Variants in SLC2A12 observed in about 807,000 individuals in gnomAD.
The protein encoded by SLC2A12 is solute carrier family 2, facilitated glucose transporter member 12.
Under a neutral mutation model 41.8 loss-of-function variants are expected in SLC2A12, and 23 were observed. That is an observed-to-expected ratio of 0.55 (90% CI 0.40 to 0.78). SLC2A12 has a LOEUF of 0.78. Ranked by LOEUF, SLC2A12 falls within the 30% of genes least tolerant of loss-of-function variation. SLC2A12 has a pLI of 0.00. For missense variants in SLC2A12, 654 were observed against 745.6 expected, an observed-to-expected ratio of 0.88 and a Z score of 1.43; for synonymous variants, 295 against 285.9, an observed-to-expected ratio of 1.03 and a Z score of -0.32.
intron 4 of SLC2A12, among the ~76,000 whole-genome samples, chr6:134,000,919 TCTTAGC>T (rs2114424701): frequency 6.6e-6 from 1 of 152,330 alleles, no homozygotes; most frequent in South Asian, 2.1e-4. Context: ...TTTCTGCTAA[TCTTAGC>T]CTTAGCAAGT....
At chr6:134,038,337 T>C (rs1187430655) in intron 1 of SLC2A12, among the ~76,000 whole-genome samples, 1 of 151,162 alleles carries the variant, frequency 6.6e-6, no homozygotes, top group Non-Finnish European at 1.5e-5. Flanking sequence ...ATTACTTTCA[T>C]TCTTTTTCTT....
At chr6:134,013,572 A>G (rs535749023) in intron 2 of SLC2A12, among the ~76,000 whole-genome samples, 1 of 152,256 alleles carries the variant, frequency 6.6e-6, no homozygotes, top group East Asian at 1.9e-4. Flanking sequence ...GAATAACATG[A>G]TACATTTCTA....
intron 4 of SLC2A12, among the ~76,000 whole-genome samples, chr6:133,992,636 A>G (rs900775931): frequency 2.0e-5 from 3 of 152,160 alleles, no homozygotes; most frequent in Non-Finnish European, 4.4e-5. Context: ...TGCCTGAGTG[A>G]TGGAGGGAGA....
chr6:134,028,380 C>T lies in SLC2A12; in HGVS notation c.1444+1G>A, dbSNP rs1157256387. 1.9e-6 allele frequency: 3 copies of T among 1,600,260 alleles called. No individual in the cohort carries two copies. The highest frequency in any genetic ancestry group is 1.1e-5 in the South Asian group (1 of 88,846). On this transcript the variant is annotated splice_donor_variant, in intron 2 of 4. Transcript: ENST00000275230. LOFTEE classifies it high-confidence loss of function. ...AATACATTAAAGAATAAAGTACTTA[C>T]TTGGTCCTAGACCAATTGAAAAAGC...
chr6:134,019,794 G>A (rs1777017219), intron 2 of SLC2A12, among the ~76,000 whole-genome samples: 1 of 152,154 alleles, frequency 6.6e-6, no homozygotes, highest in African/African-American at 2.4e-5. Context: ...GGCCAAGGCA[G>A]GTGGATCACT....
chr6:134,040,034 T>A (rs1282867052), intron 1 of SLC2A12, among the ~76,000 whole-genome samples: 2 of 151,316 alleles, frequency 1.3e-5, no homozygotes, highest in African/African-American at 4.9e-5. Flanking sequence ...AAATAAATTA[T>A]CCAATCTCAG....
chr6:134,050,892 C>T (rs1163153364), intron 1 of SLC2A12, among the ~76,000 whole-genome samples: 1 of 151,800 alleles, frequency 6.6e-6, no homozygotes. Context: ...AGAGGACAGG[C>T]CATATTGAAA....
intron 1 of SLC2A12, among the ~76,000 whole-genome samples, chr6:134,048,635 A>C (rs946454263): frequency 6.6e-6 from 1 of 152,234 alleles, no homozygotes; most frequent in Non-Finnish European, 1.5e-5. Flanking sequence ...CACAGTAGAC[A>C]CAATCATTGT....
In SLC2A12 at chr6:133,987,660, A is replaced by ATATATATATATATATATATATATG. The variant is rs1014795332; in HGVS notation, c.*3494_*3495insCATATATATATATATATATATATA. The stretch of plus-strand genomic sequence containing the variant: ...TGTGTGTGTGTGTGTATATATATAT[A>ATATATATATATATATATATATATG]TATATATGCACCACATGTGTATAGT... On this transcript the variant is annotated 3_prime_UTR_variant, in exon 5 of 5. Transcript: ENST00000275230. 9.6e-5 allele frequency: 14 copies of ATATATATATATATATATATATATG among 145,112 alleles called. No homozygotes were observed. The highest frequency in any genetic ancestry group is 2.2e-4 in the South Asian group (1 of 4,522). 9.0% of individuals were successfully genotyped at this position (145,112 alleles called of 1,614,324 possible). A position where few individuals can be genotyped will look rare whatever the true frequency, so the allele number is the denominator to read the frequency against.
Position 133,989,513 on chromosome 6 carries a change from G to A in SLC2A12, c.*1642C>T, listed in dbSNP as rs1309639504. ...CTATAAACACGGAAGGAAACATGGGGCAGAACACACTTCCCTTCTCTTTCC... is the reference window on the plus strand; with the variant it reads ...CTATAAACACGGAAGGAAACATGGGACAGAACACACTTCCCTTCTCTTTCC... On this transcript the variant is annotated 3_prime_UTR_variant, in exon 5 of 5. Transcript: ENST00000275230. The A allele has an allele frequency of 6.6e-6, 1 of 152,110 alleles. No homozygotes were observed. The highest frequency in any genetic ancestry group is 1.5e-5 in the Non-Finnish European group (1 of 68,024). 9.4% of individuals were successfully genotyped at this position (152,110 alleles called of 1,614,324 possible). A position where few individuals can be genotyped will look rare whatever the true frequency, so the allele number is the denominator to read the frequency against.
In SLC2A12 at chr6:133,991,063, A is replaced by G; in HGVS notation, c.*92T>C. ...TTCAAAACCAGTTCCATGACACTGA[A>G]AAGAGAGCACAGGAGTCGCAACTAT... On this transcript the variant is annotated 3_prime_UTR_variant, in exon 5 of 5. Coordinates refer to ENST00000275230, the MANE Select transcript of SLC2A12 (RefSeq NM_145176.3). 1.4e-6 allele frequency: 2 copies of G among 1,417,092 alleles called. No homozygotes were observed. Among genetic ancestry groups the G allele is most frequent in the Non-Finnish European group, 1.9e-6 (2 of 1,053,726 alleles). 87.8% of individuals were successfully genotyped at this position (1,417,092 alleles called of 1,614,324 possible). A position where few individuals can be genotyped will look rare whatever the true frequency, so the allele number is the denominator to read the frequency against.
intron 1 of SLC2A12, among the ~76,000 whole-genome samples, chr6:134,044,117 T>C (rs1582627918): frequency 6.6e-6 from 1 of 152,158 alleles, no homozygotes; most frequent in African/African-American, 2.4e-5. Flanking sequence ...CGGCTCAACT[T>C]AGCCATCCTG....
intron 1 of SLC2A12, among the ~76,000 whole-genome samples, chr6:134,041,166 G>T (rs954901949): frequency 4.6e-5 from 7 of 152,120 alleles, no homozygotes; most frequent in Non-Finnish European, 5.9e-5. Context: ...AAAACAGTGG[G>T]TGCAAAACAA....
chr6:134,010,521 ACCG>A (rs1776865780), intron 2 of SLC2A12, among the ~76,000 whole-genome samples: 1 of 152,106 alleles, frequency 6.6e-6, no homozygotes, highest in South Asian at 2.1e-4. Context: ...TCGTTTGAGG[ACCG>A]CCTCAGCAAT....
intron 3 of SLC2A12, 86 bp downstream of exon 3, chr6:134,006,726 G>A (rs971642032): frequency 1.6e-5 from 25 of 1,528,938 alleles, no homozygotes; most frequent in African/African-American, 5.5e-5. Context: ...AAATTTCCAC[G>A]AAAAAATGGT....
intron 3 of SLC2A12, among the ~76,000 whole-genome samples, chr6:134,004,376 A>T (rs187493610): frequency 6.6e-6 from 1 of 152,276 alleles, no homozygotes; most frequent in Non-Finnish European, 1.5e-5. Flanking sequence ...TTATATAAAA[A>T]CCCAAACCAC....
At chr6:134,006,547 G>A (rs1377589640) in intron 3 of SLC2A12, among the ~76,000 whole-genome samples, 1 of 152,124 alleles carries the variant, frequency 6.6e-6, no homozygotes, top group African/African-American at 2.4e-5. Context: ...GAATGTCAAA[G>A]GTCTATGCTG....
chr6:133,996,253 T>C (rs1776685132), intron 4 of SLC2A12, among the ~76,000 whole-genome samples: 1 of 152,208 alleles, frequency 6.6e-6, no homozygotes, highest in South Asian at 2.1e-4. Context: ...ACTGAAATAT[T>C]TACAAAACAT....
At chr6:134,027,069 GA>G (rs1180749811) in intron 2 of SLC2A12, among the ~76,000 whole-genome samples, 1 of 152,206 alleles carries the variant, frequency 6.6e-6, no homozygotes, top group Admixed American at 6.5e-5. Context: ...TTGCTGACCA[GA>G]AGGAGGCAGA....
Sources: gnomAD v4.1 joint callset for allele counts (sites outside exome capture counted in the v4.1 genomes callset) on GRCh38, gnomAD v4.1.1 for gene constraint, MANE v1.5 for transcripts, NCBI Gene and HGNC (gene_info 2026-07-23, HGNC 2026-07-21) for gene names.